Variants in SDK1 observed in about 807,000 individuals in gnomAD.
SDK1 encodes the protein protein sidekick-1.
A neutral mutation model predicts 245.5 loss-of-function variants in SDK1; 157 were observed. That is an observed-to-expected ratio of 0.64 (90% confidence interval 0.56 to 0.73). The LOEUF (loss-of-function observed/expected upper bound fraction) is 0.73, where lower values mean the gene tolerates loss of function less well. Among genes scored for constraint, SDK1 ranks in the 30% least tolerant of loss-of-function variants. The probability of loss-of-function intolerance (pLI) is 0.00; values close to 1 mark genes in which losing one functional copy is unlikely to be tolerated. For synonymous variants in SDK1, 1,647 were observed against 1,278.5 expected (o/e 1.29, Z -6.15); for missense variants, 3,583 against 3,002.3 (o/e 1.19, Z -4.52).
intron 18 of SDK1, among the ~76,000 whole-genome samples, chr7:4,051,137 A>G: frequency 1.4e-5 from 2 of 139,242 alleles, no homozygotes; most frequent in African/African-American, 2.7e-5. Flanking sequence ...ATTATATATA[A>G]TATATGTATA....
At chr7:4,044,026 T>C (rs542909341) in intron 17 of SDK1, among the ~76,000 whole-genome samples, 1 of 152,340 alleles carries the variant, frequency 6.6e-6, no homozygotes, top group South Asian at 2.1e-4. Context: ...ATTGTTCTGG[T>C]CATCTATTGC....
At chr7:4,137,347 G>A (rs904559771) in intron 28 of SDK1, among the ~76,000 whole-genome samples, 1 of 152,218 alleles carries the variant, frequency 6.6e-6, no homozygotes, top group African/African-American at 2.4e-5. Flanking sequence ...AAATTGCTCT[G>A]TGTATAGCTG....
At chr7:4,114,527 A>G (rs912878167) in intron 25 of SDK1, among the ~76,000 whole-genome samples, 1 of 152,226 alleles carries the variant, frequency 6.6e-6, no homozygotes, top group Admixed American at 6.5e-5. Context: ...TGTTTTCTAA[A>G]TTAGGGATAA....
At chr7:3,757,656 C>T (rs895822760) in intron 4 of SDK1, among the ~76,000 whole-genome samples, 1 of 152,200 alleles carries the variant, frequency 6.6e-6, no homozygotes, top group Non-Finnish European at 1.5e-5. Flanking sequence ...AAGCTCTCTC[C>T]AGGCGCAAGG....
At chr7:4,014,460 A>G (rs1786236829) in intron 16 of SDK1, among the ~76,000 whole-genome samples, 1 of 152,174 alleles carries the variant, frequency 6.6e-6, no homozygotes, top group South Asian at 2.1e-4. Flanking sequence ...AGCCATGCCA[A>G]AGTGAATTTG....
Position 3,947,585 on chromosome 7 carries a change from TG to T in SDK1, c.848-3334del, listed in dbSNP as rs1780631615. 2.0e-5 allele frequency among the ~76,000 whole-genome samples: 3 copies of T among 150,510 alleles called. No homozygotes were observed. The South Asian group carries it at 6.3e-4, about 32-fold the overall frequency. On this transcript the variant is annotated intron_variant, in intron 5 of 44. Coordinates refer to ENST00000404826, the MANE Select transcript of SDK1 (RefSeq NM_152744.4). ...GTGTGTGTGTATTTTTTTGTAAACA[TG>T]GGGTTTCACTATGTATATCTTTTAA...
At chr7:3,433,077 T>C (rs1018693331) in intron 1 of SDK1, among the ~76,000 whole-genome samples, 3 of 152,242 alleles carry the variant, frequency 2.0e-5, no homozygotes, top group African/African-American at 7.2e-5. Flanking sequence ...TCTTCGTGGT[T>C]GCAAAACCTA....
At chr7:3,634,005 A>G (rs553776302) in intron 2 of SDK1, among the ~76,000 whole-genome samples, 5 of 152,236 alleles carry the variant, frequency 3.3e-5, no homozygotes, top group Non-Finnish European at 7.4e-5. Flanking sequence ...CTGCTGTCAG[A>G]TGAGTTCTCC....
At chr7:3,994,786 G>T (rs1310638404) in intron 14 of SDK1, among the ~76,000 whole-genome samples, 3 of 151,826 alleles carry the variant, frequency 2.0e-5, no homozygotes, top group Admixed American at 1.3e-4. Context: ...CTTTGTTCCT[G>T]CCACCACTGA....
intron 1 of SDK1, among the ~76,000 whole-genome samples, chr7:3,467,019 C>CAT (rs1781027052): frequency 6.8e-6 from 1 of 148,148 alleles, no homozygotes; most frequent in Admixed American, 6.7e-5. Context: ...CACACACACA[C>CAT]ACACACACAC....
chr7:3,715,812 C>A (rs1042332333), intron 4 of SDK1, among the ~76,000 whole-genome samples: 5 of 151,974 alleles, frequency 3.3e-5, no homozygotes, highest in African/African-American at 1.2e-4. Flanking sequence ...TCAACTGAGG[C>A]CAAAATTGAA....
rs1346437034 is a variant in SDK1 at position 3,519,649 on chromosome 7, C to T, written c.299-99431C>T. ...GGCAGAGAAGATTAAGTGATTTGTCCAGTTTTAGTCTGTCTCTGTTACATC... is the reference window on the plus strand; with the variant it reads ...GGCAGAGAAGATTAAGTGATTTGTCTAGTTTTAGTCTGTCTCTGTTACATC... On this transcript the variant is annotated intron_variant, in intron 1 of 44. Coordinates refer to ENST00000404826, the MANE Select transcript of SDK1 (RefSeq NM_152744.4). Among the ~76,000 whole-genome samples, 3 of 151,988 alleles carry T rather than the reference C, an allele frequency of 2.0e-5. No homozygotes were observed. The East Asian group carries it at 5.8e-4, about 29-fold the overall frequency.
intron 4 of SDK1, among the ~76,000 whole-genome samples, chr7:3,776,134 ACTAT>A (rs1414371969): frequency 6.6e-6 from 1 of 152,238 alleles, no homozygotes; most frequent in East Asian, 1.9e-4. Flanking sequence ...GTGATCAGTA[ACTAT>A]CTGTTGAATG....
chr7:3,580,541 G>C (rs755012845), intron 1 of SDK1, among the ~76,000 whole-genome samples: 18 of 152,052 alleles, frequency 1.2e-4, no homozygotes, highest in Non-Finnish European at 1.9e-4. Context: ...CAAGAAATGG[G>C]GAAAGGATTC....
chr7:3,544,665 G>A (rs1197925788), intron 1 of SDK1, among the ~76,000 whole-genome samples: 1 of 152,244 alleles, frequency 6.6e-6, no homozygotes, highest in South Asian at 2.1e-4. Flanking sequence ...CAGATTTTGT[G>A]ATCGCATTCT....
At chr7:3,993,890 C>G (rs1184437305) in intron 14 of SDK1, among the ~76,000 whole-genome samples, 2 of 152,220 alleles carry the variant, frequency 1.3e-5, no homozygotes, top group Non-Finnish European at 2.9e-5. Flanking sequence ...AGCCAGTGAG[C>G]TCCACTGAGT....
chr7:3,546,975 A>G (rs1396775214), intron 1 of SDK1, among the ~76,000 whole-genome samples: 1 of 152,192 alleles, frequency 6.6e-6, no homozygotes, highest in African/African-American at 2.4e-5. Flanking sequence ...GATTTAACTA[A>G]TTGAGGGAGG....
At chr7:3,909,030 G>A (rs1177441699) in intron 5 of SDK1, among the ~76,000 whole-genome samples, 1 of 152,174 alleles carries the variant, frequency 6.6e-6, no homozygotes, top group South Asian at 2.1e-4. Context: ...GGGAGGAGAT[G>A]AGGAAGACAG....
chr7:3,314,232 A>T (rs1313193198), intron 1 of SDK1, among the ~76,000 whole-genome samples: 4 of 152,210 alleles, frequency 2.6e-5, no homozygotes, highest in African/African-American at 9.6e-5. Flanking sequence ...AAGATGAAGG[A>T]TTCAGGTGGA....
Sources: gnomAD v4.1 joint callset for allele counts (sites outside exome capture counted in the v4.1 genomes callset) on GRCh38, gnomAD v4.1.1 for gene constraint, MANE v1.5 for transcripts, NCBI Gene and HGNC (gene_info 2026-07-23, HGNC 2026-07-21) for gene names.